Variants in SLC23A1 observed in about 807,000 individuals in gnomAD.
SLC23A1 encodes the protein solute carrier family 23 member 1, also known as Na(+)/L-ascorbic acid transporter 1.
SLC23A1 carries 31 observed loss-of-function variants against 62.5 expected under a neutral mutation model. The ratio of observed to expected loss-of-function variants is 0.50; its 90% CI spans 0.37 to 0.67. The LOEUF is 0.67. Among genes scored for constraint, SLC23A1 ranks in the 30% least tolerant of loss-of-function variants. The pLI, the probability that SLC23A1 is intolerant of heterozygous loss-of-function variation, is 0.00. For missense variants in SLC23A1, 640 were observed against 782.7 expected, an observed-to-expected ratio of 0.82 and a Z score of 2.18; for synonymous variants, 271 against 313.2, an observed-to-expected ratio of 0.87 and a Z score of 1.42.
upstream of SLC23A1, among the ~76,000 whole-genome samples, chr5:139,383,716 A>C (rs1758399545): frequency 6.6e-6 from 1 of 152,258 alleles, no homozygotes; most frequent in Non-Finnish European, 1.5e-5. Flanking sequence ...GCCTTGTGCC[A>C]AGAAACATGG....
At chr5:139,377,262 A>T in intron 13 of SLC23A1, 140 bp downstream of exon 13, 1 of 646,000 alleles carries the variant, frequency 1.5e-6, no homozygotes, top group South Asian at 1.8e-5. Flanking sequence ...TGAGCACTCC[A>T]CCAGCCCATC....
At chr5:139,369,133 A>G (rs537620117) in intron 14 of SLC23A1, 1 of 181,584 alleles carries the variant, frequency 5.5e-6, no homozygotes, top group East Asian at 1.3e-4. Context: ...TAATGTCTAA[A>G]CTTTAAAATC....
In SLC23A1 at chr5:139,381,903, G is replaced by C. The variant is rs749185244; in HGVS notation, c.297C>G (p.Thr99=). 18 of 1,561,016 alleles carry C rather than the reference G, an allele frequency of 1.2e-5. No homozygotes were observed. Among genetic ancestry groups the C allele is most frequent in the Non-Finnish European group, 1.5e-5 (17 of 1,153,594 alleles). Residue 99 remains threonine, a synonymous_variant, in exon 3 of 15, where the codon ACC becomes ACG. Coordinates refer to ENST00000348729, the MANE Select transcript of SLC23A1 (RefSeq NM_005847.5). ...GCTGGGCGGCTCACCGGATGCCCAC[G>C]GTGGTCTGGATGAGAGTGGTGATGC... The part of the protein sequence containing the change: ...CVGITTLIQT[T]VGIRLPLFQA...
In SLC23A1 at chr5:139,370,562, C is replaced by T. The variant is rs1041903419; in HGVS notation, c.*19+1425G>A. ...AGGCTGGAGTGCAGTCATGCAATCTCAGTTCAATGCAACCTCTGCCTCCTG... is the reference window on the plus strand; with the variant it reads ...AGGCTGGAGTGCAGTCATGCAATCTTAGTTCAATGCAACCTCTGCCTCCTG... On this transcript the variant is annotated intron_variant, in intron 14 of 14. Coordinates refer to ENST00000348729, the MANE Select transcript of SLC23A1 (RefSeq NM_005847.5). 1.3e-5 allele frequency among the ~76,000 whole-genome samples: 2 copies of T among 151,716 alleles called. 1 individual carries two copies. The highest frequency in any genetic ancestry group is 6.8e-3 in the Middle Eastern group (2 of 294).
intron 14 of SLC23A1, among the ~76,000 whole-genome samples, chr5:139,370,379 C>T (rs1020103623): frequency 1.3e-5 from 2 of 152,138 alleles, no homozygotes; most frequent in Non-Finnish European, 2.9e-5. Context: ...CCATGTTAGC[C>T]GGGCTGGTCT....
At chr5:139,381,294 G>C (rs1758243602) in intron 3 of SLC23A1, among the ~76,000 whole-genome samples, 1 of 152,230 alleles carries the variant, frequency 6.6e-6, no homozygotes, top group African/African-American at 2.4e-5. Flanking sequence ...CTGTCGAAGA[G>C]GCTGGCACCA....
At position 139,378,399 on chromosome 5, in the gene SLC23A1, C is replaced by T. The variant is rs1389235885; in HGVS notation, c.1180-48G>A. The T allele has an allele frequency of 6.5e-7, 1 of 1,540,684 alleles. No individual in the cohort carries two copies. The highest frequency in any genetic ancestry group is 1.4e-5 in the African/African-American group (1 of 72,904). On this transcript the variant is annotated intron_variant, in intron 10 of 14. Transcript: ENST00000348729. The surrounding 1 kb of genome is among the most constrained non-coding windows in gnomAD (Gnocchi z 4.5). ...GCTAGACCTGGGGACGAGGCTGGGG[C>T]GGGGTTAGTTCCAGGGGCGGGGCCT...
At chr5:139,382,107 G>A (rs1758301172) in intron 2 of SLC23A1, 58 bp from the exon 3 acceptor site, 8 of 1,528,902 alleles carry the variant, frequency 5.2e-6, no homozygotes, top group African/African-American at 1.4e-5. Context: ...CCAGGGAGAG[G>A]GGACAACCTA....
chr5:139,382,845 G>C (rs952498142), intron 1 of SLC23A1, among the ~76,000 whole-genome samples: 3 of 152,184 alleles, frequency 2.0e-5, no homozygotes, highest in African/African-American at 4.8e-5. Context: ...CTCAGGACCT[G>C]CCATTTTAGC....
At chr5:139,372,967 G>T (rs1022682310) in intron 13 of SLC23A1, among the ~76,000 whole-genome samples, 19 of 152,132 alleles carry the variant, frequency 1.2e-4, no homozygotes, top group Admixed American at 8.5e-4. Context: ...ATGTGTGTTA[G>T]GCCCATGGGG....
rs1214866734 is a variant in SLC23A1 at position 139,381,030 on chromosome 5, C to T, written c.309-144G>A. The T allele has an allele frequency of 4.6e-5, 27 of 590,818 alleles. No homozygotes were observed. In the East Asian group the frequency reaches 7.2e-4, roughly 16 times the overall value. The allele number at this position is 590,818 out of a possible 1,614,324, so 36.6% of individuals were successfully genotyped here. A position where few individuals can be genotyped will look rare whatever the true frequency, so the allele number is the denominator to read the frequency against. On this transcript the variant is annotated intron_variant, in intron 3 of 14. Coordinates refer to ENST00000348729, the MANE Select transcript of SLC23A1 (RefSeq NM_005847.5). ...AGGGCAGATGGAAATCGTTGAGGCC[C>T]CAGGGAAGACCATCTCTAACATTTT...
chr5:139,379,502 C>T lies in SLC23A1; in HGVS notation c.926-148G>A. 9.8e-7 allele frequency: 1 copy of T among 1,023,858 alleles called. No individual in the cohort carries two copies. Among genetic ancestry groups the T allele is most frequent in the South Asian group, 1.4e-5 (1 of 73,524 alleles). The allele number at this position is 1,023,858 out of a possible 1,614,324, so 63.4% of individuals were successfully genotyped here. ...TACAGTTGTGGGAGCTTATTTGAGT[C>T]ACTCAGAGCCAGGAAGTGGGACTGA... On this transcript the variant is annotated intron_variant, in intron 8 of 14. Coordinates refer to ENST00000348729, the MANE Select transcript of SLC23A1 (RefSeq NM_005847.5). This position sits in a 1 kb window ranked among gnomAD's most constrained non-coding sequence, Gnocchi z 4.7.
chr5:139,383,686 G>A (rs527704361), upstream of SLC23A1, among the ~76,000 whole-genome samples: 43 of 152,326 alleles, frequency 2.8e-4, no homozygotes, highest in African/African-American at 4.6e-4. Flanking sequence ...AGTCATTCTC[G>A]TTATTGAGGA....
intron 1 of SLC23A1, 30 bp from the exon 2 acceptor site, chr5:139,382,635 G>T: frequency 7.2e-7 from 1 of 1,392,830 alleles, no homozygotes; most frequent in Non-Finnish European, 1.0e-6. Flanking sequence ...GTAGCTTAGG[G>T]TGAAGTGATG....
intron 13 of SLC23A1, among the ~76,000 whole-genome samples, chr5:139,372,687 C>T (rs868864872): frequency 4.6e-5 from 7 of 152,060 alleles, no homozygotes; most frequent in Non-Finnish European, 1.0e-4. Context: ...CGGGTTTAAG[C>T]GATTATCCTG....
At position 139,383,162 on chromosome 5, in the gene SLC23A1, C is replaced by T. The variant is rs527826695; in HGVS notation, c.36+56G>A. 3.1e-4 allele frequency: 108 copies of T among 349,072 alleles called. 2 individuals are homozygous for T. In the East Asian group the frequency reaches 5.3e-3, roughly 17 times the overall value. 21.6% of individuals were successfully genotyped at this position (349,072 alleles called of 1,614,324 possible). A position where few individuals can be genotyped will look rare whatever the true frequency, so the allele number is the denominator to read the frequency against. ...CTCCAGGAAGAAGGCCTGCACAGGC[C>T]CTCCAGCCCCCCACCCCCCCTGCCC... is the stretch of plus-strand genomic sequence containing the variant. On this transcript the variant is annotated intron_variant, in intron 1 of 14. Coordinates refer to ENST00000348729, the MANE Select transcript of SLC23A1 (RefSeq NM_005847.5).
intron 4 of SLC23A1, 29 bp downstream of exon 4, chr5:139,380,769 C>T: frequency 2.0e-6 from 3 of 1,506,514 alleles, no homozygotes; most frequent in Non-Finnish European, 2.7e-6. Flanking sequence ...TCCCCTTTTC[C>T]CCAGTGCAGA....
At position 139,378,598 on chromosome 5, in the gene SLC23A1, C is replaced by G. The variant is rs1038790094; in HGVS notation, c.1160G>C (p.Gly387Ala). ...CGACACCTTGGTAATTCCCAGGACGCCAATGTTGGGACTGGACGAGGTGGA... is the reference window on the plus strand; with the variant it reads ...CGACACCTTGGTAATTCCCAGGACGGCAATGTTGGGACTGGACGAGGTGGA... ...NGSTSSSPNI[G>A]VLGITKVGSR... Residue 387 changes from glycine to alanine, a missense_variant, in exon 10 of 15, where the codon GGC (glycine) becomes GCC (alanine). Coordinates refer to ENST00000348729, the MANE Select transcript of SLC23A1 (RefSeq NM_005847.5). This position sits in a 1 kb window ranked among gnomAD's most constrained non-coding sequence, Gnocchi z 4.5. 13 of 1,609,712 alleles carry G rather than the reference C, an allele frequency of 8.1e-6. No individual in the cohort carries two copies. The highest frequency in any genetic ancestry group is 1.6e-4 in the Middle Eastern group (1 of 6,068).
chr5:139,381,373 G>T (rs1581377957), intron 3 of SLC23A1, among the ~76,000 whole-genome samples: 2 of 152,322 alleles, frequency 1.3e-5, no homozygotes, highest in Non-Finnish European at 1.5e-5. Context: ...GGGAGAGCCG[G>T]CTAGGCTTGG....
Sources: allele counts gnomAD v4.1 joint callset (sites outside exome capture counted in the v4.1 genomes callset), GRCh38; gene constraint gnomAD v4.1.1; non-coding constraint Gnocchi (gnomAD v3.1); transcripts MANE v1.5; gene names NCBI Gene and HGNC (gene_info 2026-07-23, HGNC 2026-07-21).